The following CNTN5 variants were observed in gnomAD, a reference collection of about 807,000 sequenced individuals.
The protein encoded by CNTN5 is contactin 5.
A neutral mutation model predicts 129.1 loss-of-function variants in CNTN5; 77 were observed. The observed-to-expected ratio is 0.60, with a 90% CI of 0.50 to 0.72. The LOEUF (loss-of-function observed/expected upper bound fraction) is 0.72, where lower values mean the gene tolerates loss of function less well. Among genes scored for constraint, CNTN5 ranks in the 30% least tolerant of loss-of-function variants. CNTN5 has a pLI of 0.00. For synonymous variants in CNTN5, 509 were observed against 465.6 expected, an observed-to-expected ratio of 1.09 and a Z score of -1.20; for missense variants, 1,478 against 1,328.8, an observed-to-expected ratio of 1.11 and a Z score of -1.75.
At chr11:99,704,057 A>ATG (rs35620598) in intron 3 of CNTN5, among the ~76,000 whole-genome samples, 12,527 of 148,182 alleles carry the variant, frequency 0.085, 589 homozygotes, top group East Asian at 0.26. Context: ...ATATATATAT[A>ATG]TGTGTGTGTG....
intron 6 of CNTN5, among the ~76,000 whole-genome samples, chr11:99,846,820 A>G (rs1947713802): frequency 6.6e-6 from 1 of 152,202 alleles, no homozygotes; most frequent in Non-Finnish European, 1.5e-5. Flanking sequence ...GGTCCTAGAA[A>G]AATGTAAATA....
At chr11:99,229,442 CTT>C (rs1397053716) in intron 1 of CNTN5, among the ~76,000 whole-genome samples, 1 of 149,870 alleles carries the variant, frequency 6.7e-6, no homozygotes, top group Non-Finnish European at 1.5e-5. Context: ...TTGGTAGTCT[CTT>C]TACCTCAGTC....
intron 3 of CNTN5, among the ~76,000 whole-genome samples, chr11:99,688,471 T>A (rs897476093): frequency 1.3e-5 from 2 of 152,218 alleles, no homozygotes; most frequent in South Asian, 2.1e-4. Flanking sequence ...GAGGTTGGGA[T>A]AAGTAAATTG....
chr11:99,033,428 T>C (rs1433035451), intron 1 of CNTN5, among the ~76,000 whole-genome samples: 2 of 152,196 alleles, frequency 1.3e-5, no homozygotes. Flanking sequence ...TTTGTTTGTG[T>C]CCTCTTTTAT....
chr11:99,634,116 T>A lies in CNTN5; in HGVS notation c.55+77847T>A, dbSNP rs76879514. ...TATGCAGGATGTATTGGAAGTGGAC[T>A]TGGGAGATTAAAAGCAAGAAAATAG... is the stretch of plus-strand genomic sequence containing the variant. On this transcript the variant is annotated intron_variant, in intron 3 of 24. Transcript: ENST00000524871. 6.7e-3 allele frequency among the ~76,000 whole-genome samples: 1,019 copies of A among 152,246 alleles called. 66 individuals carry two copies. In the East Asian group the frequency reaches 0.17, roughly 25 times the overall value.
chr11:100,267,223 A>C (rs1456311849), intron 17 of CNTN5, among the ~76,000 whole-genome samples: 2 of 148,130 alleles, frequency 1.4e-5, no homozygotes, highest in African/African-American at 4.9e-5. Flanking sequence ...TCCAACATCA[A>C]GTGGCCTTCT....
chr11:99,541,993 AG>A (rs1400503113), intron 2 of CNTN5, among the ~76,000 whole-genome samples: 70 of 151,592 alleles, frequency 4.6e-4, no homozygotes, highest in African/African-American at 1.6e-3. Flanking sequence ...AAGAAAAGAA[AG>A]AAATGTGGGG....
chr11:99,449,740 C>G (rs1944221681), intron 2 of CNTN5, among the ~76,000 whole-genome samples: 1 of 152,116 alleles, frequency 6.6e-6, no homozygotes, highest in Non-Finnish European at 1.5e-5. Flanking sequence ...GGTGGCCCCA[C>G]CAGGTTTTCT....
In CNTN5 at chr11:100,061,236, G is replaced by A; in HGVS notation, c.1005G>A (p.Met335Ile). The change falls in exon 10 of 25, where the codon ATG (methionine) becomes ATA (isoleucine). Residue 335 changes from methionine to isoleucine, a missense_variant. Coordinates refer to ENST00000524871, the MANE Select transcript of CNTN5 (RefSeq NM_014361.4). ...GCCCCGTTCCAACAATCACATGGAT[G>A]AAGGTTAATGGTTATATTCCTAGTA... is the stretch of plus-strand genomic sequence containing the variant. Reference protein sequence around the residue: ...LGNPVPTITWMKVNGYIPSKA... With the variant: ...LGNPVPTITWIKVNGYIPSKA... 1.2e-6 allele frequency: 2 copies of A among 1,610,986 alleles called. No homozygotes were observed. The highest frequency in any genetic ancestry group is 1.7e-6 in the Non-Finnish European group (2 of 1,177,530).
At chr11:99,523,659 C>T (rs61911082) in intron 2 of CNTN5, among the ~76,000 whole-genome samples, 29,175 of 86,264 alleles carry the variant, frequency 0.34, 3,398 homozygotes, top group Non-Finnish European at 0.35. Flanking sequence ...TAGAACAGAA[C>T]AGATCAGAAC....
intron 2 of CNTN5, among the ~76,000 whole-genome samples, chr11:99,379,589 T>A (rs2136154209): frequency 6.6e-6 from 1 of 152,322 alleles, no homozygotes; most frequent in South Asian, 2.1e-4. Context: ...ACTTCCAGCA[T>A]GAGCTATTTT....
At chr11:100,336,504 A>G (rs2850642) in intron 21 of CNTN5, among the ~76,000 whole-genome samples, 66 of 152,362 alleles carry the variant, frequency 4.3e-4, no homozygotes, top group African/African-American at 1.6e-3. Flanking sequence ...AGTGATACAC[A>G]AAGAAAATAA....
At chr11:99,231,663 AT>A (rs1359287474) in intron 1 of CNTN5, among the ~76,000 whole-genome samples, 1 of 152,086 alleles carries the variant, frequency 6.6e-6, no homozygotes, top group African/African-American at 2.4e-5. Flanking sequence ...ACTAGATCCC[AT>A]TTGTCAACTT....
chr11:99,920,124 C>A (rs1050582340), intron 7 of CNTN5, among the ~76,000 whole-genome samples: 2 of 152,044 alleles, frequency 1.3e-5, no homozygotes, highest in African/African-American at 2.4e-5. Context: ...AGGACACATT[C>A]CATTTTGTTT....
intron 1 of CNTN5, among the ~76,000 whole-genome samples, chr11:99,241,326 T>TG (rs1200440870): frequency 6.7e-6 from 1 of 148,966 alleles, no homozygotes; most frequent in Non-Finnish European, 1.5e-5. Flanking sequence ...TGGTTTTTTT[T>TG]TTTTTTTTTT....
intron 23 of CNTN5, among the ~76,000 whole-genome samples, chr11:100,346,255 C>T (rs1013386431): frequency 1.2e-4 from 19 of 152,052 alleles, no homozygotes; most frequent in African/African-American, 4.1e-4. Flanking sequence ...AATTATAGCA[C>T]GTAAGACTCA....
intron 9 of CNTN5, among the ~76,000 whole-genome samples, chr11:100,057,349 T>G (rs1943278583): frequency 6.6e-6 from 1 of 150,854 alleles, no homozygotes; most frequent in South Asian, 2.1e-4. Context: ...AATGCTTATT[T>G]TAGAGACCAA....
At chr11:100,342,738 C>A (rs1366582837) in intron 23 of CNTN5, among the ~76,000 whole-genome samples, 1 of 152,098 alleles carries the variant, frequency 6.6e-6, no homozygotes, top group Non-Finnish European at 1.5e-5. Flanking sequence ...GGATGACTAA[C>A]GTTGGCCCAG....
rs183821099 is a variant in CNTN5, at chr11:99,803,057, A to T, written c.56-16487A>T. Among the ~76,000 whole-genome samples the T allele has an allele frequency of 1.7e-3, 251 of 152,044 alleles. 1 individual carries two copies. The highest frequency in any genetic ancestry group is 5.9e-3 in the African/African-American group (243 of 41,472). On this transcript the variant is annotated intron_variant, in intron 3 of 24. Coordinates refer to ENST00000524871, the MANE Select transcript of CNTN5 (RefSeq NM_014361.4). ...GGTGATCCAGGTGAATGGATATTCC[A>T]AATGTCTGAAGATCTGCCTGGGCAT...
Sources: gnomAD v4.1 joint callset for allele counts (sites outside exome capture counted in the v4.1 genomes callset) on GRCh38, gnomAD v4.1.1 for gene constraint, MANE v1.5 for transcripts, NCBI Gene and HGNC (gene_info 2026-07-23, HGNC 2026-07-21) for gene names.